PPARGC1A: variants seen among roughly 807,000 people sequenced by gnomAD.
PPARGC1A encodes peroxisome proliferator-activated receptor gamma coactivator 1-alpha.
PPARGC1A carries 25 observed loss-of-function variants against 88.7 expected under a neutral mutation model. That is an observed-to-expected ratio of 0.28 (90% CI 0.21 to 0.39). The LOEUF (loss-of-function observed/expected upper bound fraction) is 0.39. Ranked by LOEUF, PPARGC1A falls within the 10% of genes least tolerant of loss-of-function variation. The pLI is 1.00. For missense variants in PPARGC1A, 880 were observed against 968.7 expected, an observed-to-expected ratio of 0.91 and a Z score of 1.22; for synonymous variants, 363 against 355.6, an observed-to-expected ratio of 1.02 and a Z score of -0.24.
intron 3 of PPARGC1A, among the ~76,000 whole-genome samples, chr4:23,831,181 A>G (rs1055495114): frequency 2.0e-5 from 3 of 152,224 alleles, no homozygotes; most frequent in Non-Finnish European, 4.4e-5. Flanking sequence ...CTCATGATAT[A>G]TCTTGAAAGG....
chr4:24,462,360 G>A, the PPARGC1A span, among the ~76,000 whole-genome samples: 4 of 151,450 alleles, frequency 2.6e-5, no homozygotes, highest in Non-Finnish European at 5.9e-5. Flanking sequence ...GCCTCCCAAA[G>A]TGCTGGGATT....
the PPARGC1A span, among the ~76,000 whole-genome samples, chr4:24,072,876 T>G: frequency 6.6e-6 from 1 of 151,838 alleles, no homozygotes; most frequent in Non-Finnish European, 1.5e-5. Flanking sequence ...TAGTGTTCCT[T>G]TAGTTTTATA....
At chr4:24,154,629 C>G in the PPARGC1A span, among the ~76,000 whole-genome samples, 1 of 152,108 alleles carries the variant, frequency 6.6e-6, no homozygotes, top group East Asian at 1.9e-4. Context: ...GCGCATGTCC[C>G]GTTCCCTTCT....
chr4:24,125,726 GAGAA>G, the PPARGC1A span, among the ~76,000 whole-genome samples: 1 of 152,160 alleles, frequency 6.6e-6, no homozygotes, highest in African/African-American at 2.4e-5. Flanking sequence ...TTGAGAGAGA[GAGAA>G]AGAGAGAGAC....
the PPARGC1A span, among the ~76,000 whole-genome samples, chr4:24,205,111 C>T: frequency 6.6e-6 from 1 of 152,198 alleles, no homozygotes; most frequent in African/African-American, 2.4e-5. Flanking sequence ...AGGCATGAGC[C>T]TCCGCACCCA....
chr4:23,957,425 A>G, the PPARGC1A span, among the ~76,000 whole-genome samples: 1 of 152,146 alleles, frequency 6.6e-6, no homozygotes, highest in Non-Finnish European at 1.5e-5. Context: ...AAGAAATATG[A>G]TAGATGAACA....
chr4:23,825,584 A>T lies in PPARGC1A; in HGVS notation c.758-1076T>A, dbSNP rs546245621. Among the ~76,000 whole-genome samples the T allele has an allele frequency of 2.7e-4, 41 of 152,240 alleles. No homozygotes were observed. In the South Asian group the frequency reaches 7.0e-3, roughly 26 times the overall value. On this transcript the variant is annotated intron_variant, in intron 5 of 12. Coordinates refer to ENST00000264867, the MANE Select transcript of PPARGC1A (RefSeq NM_013261.5). ...GCCAAGATTCTGTTTCCTTTATCCT[A>T]TTGTCAAAAGAAATTGCATTCAACG...
chr4:24,236,943 A>T, the PPARGC1A span, among the ~76,000 whole-genome samples: 1 of 152,242 alleles, frequency 6.6e-6, no homozygotes, highest in South Asian at 2.1e-4. Context: ...CACTGAAAAC[A>T]GTCTTTGGCC....
the PPARGC1A span, among the ~76,000 whole-genome samples, chr4:24,089,960 T>C: frequency 6.6e-6 from 1 of 152,174 alleles, no homozygotes; most frequent in East Asian, 1.9e-4. Context: ...AGCCTTTTGG[T>C]AAATTAATAA....
chr4:23,900,159 G>T (rs983070785), upstream of PPARGC1A, among the ~76,000 whole-genome samples: 2 of 152,074 alleles, frequency 1.3e-5, no homozygotes, highest in African/African-American at 2.4e-5. Context: ...TAAGTTTCTC[G>T]ATCTATTTCC....
chr4:23,911,474 T>C, the PPARGC1A span, among the ~76,000 whole-genome samples: 1 of 152,146 alleles, frequency 6.6e-6, no homozygotes, highest in Non-Finnish European at 1.5e-5. Flanking sequence ...ACAGATACAA[T>C]ATAGAGCTAG....
the PPARGC1A span, among the ~76,000 whole-genome samples, chr4:24,460,261 T>C: frequency 6.6e-6 from 1 of 152,234 alleles, no homozygotes; most frequent in African/African-American, 2.4e-5. Flanking sequence ...TTATTTAACA[T>C]CTACTTTATT....
intron 12 of PPARGC1A, among the ~76,000 whole-genome samples, chr4:23,798,863 ACT>A: frequency 6.6e-6 from 1 of 151,866 alleles, no homozygotes; most frequent in Non-Finnish European, 1.5e-5. Context: ...TTAATCTCTC[ACT>A]CTCATTTATA....
the PPARGC1A span, among the ~76,000 whole-genome samples, chr4:24,277,302 G>A: frequency 6.6e-6 from 1 of 152,040 alleles, no homozygotes; most frequent in Non-Finnish European, 1.5e-5. Flanking sequence ...TGCACATGTA[G>A]ACTTTGATAT....
the PPARGC1A span, among the ~76,000 whole-genome samples, chr4:23,941,831 T>C: frequency 6.6e-6 from 1 of 152,176 alleles, no homozygotes. Flanking sequence ...GCCACAACAC[T>C]AACCACCACT....
chr4:24,168,423 T>C, the PPARGC1A span, among the ~76,000 whole-genome samples: 841 of 152,326 alleles, frequency 5.5e-3, 30 homozygotes, highest in East Asian at 0.1. Context: ...ATAAGATAAC[T>C]CCTTGAGGCC....
the PPARGC1A span, among the ~76,000 whole-genome samples, chr4:24,141,301 G>A: frequency 7.9e-5 from 12 of 152,350 alleles, no homozygotes; most frequent in East Asian, 1.9e-4. Flanking sequence ...CCCTGCCTAC[G>A]CAGAGTTTGC....
chr4:24,440,071 C>T, the PPARGC1A span, among the ~76,000 whole-genome samples: 1 of 152,230 alleles, frequency 6.6e-6, no homozygotes, highest in Non-Finnish European at 1.5e-5. Context: ...TCCTTCTTTT[C>T]TCTGAGTCCC....
At chr4:23,968,861 G>A in the PPARGC1A span, among the ~76,000 whole-genome samples, 8 of 151,250 alleles carry the variant, frequency 5.3e-5, no homozygotes, top group East Asian at 1.6e-3. Flanking sequence ...GCAGTGAGCC[G>A]AGATCACACC....
Sources: gnomAD v4.1 joint callset for allele counts (sites outside exome capture counted in the v4.1 genomes callset) on GRCh38, gnomAD v4.1.1 for gene constraint, MANE v1.5 for transcripts, NCBI Gene and HGNC (gene_info 2026-07-23, HGNC 2026-07-21) for gene names.